The following TAS1R2 variants were observed in gnomAD, a reference collection of about 807,000 sequenced individuals.
The protein encoded by TAS1R2 is taste receptor type 1 member 2.
A neutral mutation model predicts 49.3 loss-of-function variants in TAS1R2; 47 were observed. That is an observed-to-expected ratio of 0.95 (90% confidence interval 0.75 to 1.22). TAS1R2 has a LOEUF of 1.22. Among genes scored for constraint, TAS1R2 ranks in the 50% most tolerant of loss-of-function variants. The pLI, the probability that TAS1R2 is intolerant of heterozygous loss-of-function variation, is 0.00. For missense variants in TAS1R2, 1,155 were observed against 1,122.1 expected, an observed-to-expected ratio of 1.03 and a Z score of -0.42; for synonymous variants, 479 against 467.9, an observed-to-expected ratio of 1.02 and a Z score of -0.31.
intron 5 of TAS1R2, among the ~76,000 whole-genome samples, chr1:18,840,944 A>ACC (rs1933813516): frequency 6.6e-6 from 1 of 152,238 alleles, no homozygotes; most frequent in African/African-American, 2.4e-5. Context: ...CCTGGGGTGG[A>ACC]AGGCCACAGA....
chr1:18,845,162 C>T (rs1933894227), intron 4 of TAS1R2, among the ~76,000 whole-genome samples: 1 of 152,166 alleles, frequency 6.6e-6, no homozygotes, highest in African/African-American at 2.4e-5. Flanking sequence ...CACTGTATCA[C>T]CTCAGATCAG....
At chr1:18,853,085 C>A (rs1271183895) in intron 3 of TAS1R2, among the ~76,000 whole-genome samples, 1 of 152,132 alleles carries the variant, frequency 6.6e-6, no homozygotes, top group East Asian at 1.9e-4. Context: ...AGTGGGAAAA[C>A]CACAGCAGAA....
chr1:18,840,088 C>T (rs1933789598), exon 6 of TAS1R2: 1 of 1,614,232 alleles, frequency 6.2e-7, no homozygotes, highest in East Asian at 2.2e-5. Context: ...AGACGTAGGG[C>T]CCCTGGTAGC....
chr1:18,851,148 A>G (rs1557598262), intron 3 of TAS1R2, among the ~76,000 whole-genome samples: 1 of 152,090 alleles, frequency 6.6e-6, no homozygotes, highest in Non-Finnish European at 1.5e-5. Context: ...CCTGCCTTAC[A>G]ATGTACGAAC....
intron 1 of TAS1R2, chr1:18,858,364 C>T (rs1934179411): frequency 1.3e-5 from 2 of 152,372 alleles, no homozygotes; most frequent in Admixed American, 1.3e-4. Context: ...ACTACCATCG[C>T]CATCATCACC....
intron 4 of TAS1R2, among the ~76,000 whole-genome samples, chr1:18,844,610 CA>C (rs747375275): frequency 2.0e-5 from 3 of 152,130 alleles, no homozygotes; most frequent in Non-Finnish European, 4.4e-5. Context: ...AAAAATTAGT[CA>C]GGTGTGATGG....
chr1:18,859,116 G>A (rs1934193384), intron 1 of TAS1R2, among the ~76,000 whole-genome samples: 1 of 152,308 alleles, frequency 6.6e-6, no homozygotes, highest in African/African-American at 2.4e-5. Context: ...AAGGTTTTCA[G>A]AATGGGCTTT....
intron 4 of TAS1R2, among the ~76,000 whole-genome samples, chr1:18,845,371 T>C (rs1933900573): frequency 6.6e-6 from 1 of 152,218 alleles, no homozygotes; most frequent in African/African-American, 2.4e-5. Context: ...TTTGAATGAA[T>C]GGCTTGTGTA....
rs1214459676 is a variant in TAS1R2, at chr1:18,854,740, G to A, written c.730C>T (p.Gln244Ter). ...TCTGACGTCATGTTCTGGTTGGGCT[G>A]CAGTGTGGGCAGCGTCTCCTGGAAG... The change falls in exon 3 of 6, where the codon CAG becomes TAG. Residue 244 changes from glutamine (Q) to a stop codon, truncating the protein, a stop_gained. Transcript: ENST00000375371. LOFTEE classifies it high-confidence loss of function. This position sits in a 1 kb window ranked among gnomAD's most constrained non-coding sequence, Gnocchi z 4.9. The A allele has an allele frequency of 6.2e-7, 1 of 1,611,644 alleles. No homozygotes were observed. Among genetic ancestry groups the A allele is most frequent in the South Asian group, 1.1e-5 (1 of 90,928 alleles).
intron 2 of TAS1R2, 129 bp downstream of exon 2, chr1:18,857,202 T>A: frequency 9.3e-7 from 1 of 1,072,388 alleles, no homozygotes; most frequent in Non-Finnish European, 1.3e-6. Context: ...TTTGGGCTGA[T>A]GTCCTGACCC....
chr1:18,854,156 A>C lies in TAS1R2; in HGVS notation c.1257+57T>G, dbSNP rs1357898331. 1 of 1,542,314 alleles carries C rather than the reference A, an allele frequency of 6.5e-7. No individual in the cohort carries two copies. The highest frequency in any genetic ancestry group is 8.8e-7 in the Non-Finnish European group (1 of 1,134,248). On this transcript the variant is annotated intron_variant, in intron 3 of 5. Coordinates refer to ENST00000375371, the Ensembl canonical transcript of TAS1R2. The surrounding 1 kb of genome is among the most constrained non-coding windows in gnomAD (Gnocchi z 4.9). Reference sequence around the variant, plus strand: ...GCCCTTTCACACCCATTTGCCCAGAACCCCAGGGGAGGAGGATGGAGGTGC... The same window carrying C: ...GCCCTTTCACACCCATTTGCCCAGACCCCCAGGGGAGGAGGATGGAGGTGC...
rs182247125 is a variant in TAS1R2 at position 18,841,910 on chromosome 1, C to T, written c.1468-58G>A. 4,057 of 1,507,152 alleles carry T rather than the reference C, an allele frequency of 2.7e-3. 103 individuals carry two copies. In the South Asian group the frequency reaches 0.046, roughly 17 times the overall value. 93.4% of individuals were successfully genotyped at this position (1,507,152 alleles called of 1,614,324 possible). ...TCTTTTCCCACATTCTGGGGGCCCC[C>T]TCCCCTCTCCAACCAGCAGGATGTT... On this transcript the variant is annotated intron_variant, in intron 4 of 5. Transcript: ENST00000375371.
chr1:18,859,529 G>A (rs759298096), exon 1 of TAS1R2: 2 of 1,614,218 alleles, frequency 1.2e-6, no homozygotes, highest in South Asian at 2.2e-5. Flanking sequence ...TGCCCTTCAT[G>A]TTGGCATGGA....
chr1:18,839,725 G>A (rs1400062241), exon 6 of TAS1R2: 5 of 1,614,260 alleles, frequency 3.1e-6, no homozygotes, highest in Non-Finnish European at 4.2e-6. Context: ...CCAGGAGGTT[G>A]AGCACAGTGA....
At chr1:18,859,636 A>G (rs1191185696) in exon 1 of TAS1R2, 3 of 1,614,236 alleles carry the variant, frequency 1.9e-6, no homozygotes, top group Non-Finnish European at 2.5e-6. Flanking sequence ...AACAGGGAGG[A>G]GATGGTCTTT....
exon 6 of TAS1R2, chr1:18,839,771 T>C: frequency 6.2e-7 from 1 of 1,614,204 alleles, no homozygotes; most frequent in South Asian, 1.1e-5. Flanking sequence ...CACCCCGCTG[T>C]AGGCAGACAT....
chr1:18,846,305 T>C (rs1171029521), intron 4 of TAS1R2, among the ~76,000 whole-genome samples: 1 of 152,208 alleles, frequency 6.6e-6, no homozygotes, highest in African/African-American at 2.4e-5. Flanking sequence ...CTCCCTCCTC[T>C]GGGAGACAAT....
exon 6 of TAS1R2, chr1:18,840,234 T>A: frequency 6.2e-7 from 1 of 1,611,204 alleles, no homozygotes; most frequent in Non-Finnish European, 8.5e-7. Flanking sequence ...CAGAGGCAGG[T>A]GGAGACCTTG....
chr1:18,841,146 T>C (rs969263279), intron 5 of TAS1R2, among the ~76,000 whole-genome samples: 1 of 152,218 alleles, frequency 6.6e-6, no homozygotes, highest in Non-Finnish European at 1.5e-5. Context: ...AGAATTGAGC[T>C]CCAAACTCTG....
Sources: gnomAD v4.1 joint callset for allele counts (sites outside exome capture counted in the v4.1 genomes callset) on GRCh38, gnomAD v4.1.1 for gene constraint, Gnocchi (gnomAD v3.1) non-coding constraint, MANE v1.5 for transcripts, NCBI Gene and HGNC (gene_info 2026-07-23, HGNC 2026-07-21) for gene names.